The following TMTC2 variants were observed in gnomAD, a reference collection of about 807,000 sequenced individuals.
TMTC2 encodes the protein protein O-mannosyl-transferase TMTC2.
A neutral mutation model predicts 82.4 loss-of-function variants in TMTC2; 43 were observed. The ratio of observed to expected loss-of-function variants is 0.52; its 90% CI spans 0.41 to 0.67. TMTC2 has a LOEUF of 0.67. TMTC2 is among the 30% of genes least tolerant of loss of function. TMTC2 has a pLI of 0.00. For missense variants in TMTC2, 919 were observed against 1,012.4 expected (o/e 0.91, Z 1.25); for synonymous variants, 408 against 381.9 (o/e 1.07, Z -0.80).
chr12:83,110,999 C>T (rs966636097), intron 11 of TMTC2, among the ~76,000 whole-genome samples: 2 of 152,238 alleles, frequency 1.3e-5, no homozygotes, highest in Admixed American at 1.3e-4. Flanking sequence ...CTTCCCTTCC[C>T]ATGGTCTTTC....
At chr12:83,102,743 T>C (rs951888220) in intron 11 of TMTC2, among the ~76,000 whole-genome samples, 3 of 152,192 alleles carry the variant, frequency 2.0e-5, no homozygotes, top group Non-Finnish European at 2.9e-5. Context: ...CTCTCTTCTC[T>C]TGAGTTTGAA....
At chr12:83,097,162 C>T (rs1001952307) in intron 11 of TMTC2, among the ~76,000 whole-genome samples, 1 of 152,132 alleles carries the variant, frequency 6.6e-6, no homozygotes, top group Non-Finnish European at 1.5e-5. Context: ...AGTGGCAGAA[C>T]TAGGGTCTCA....
chr12:82,994,516 C>G (rs1198616888), intron 8 of TMTC2, among the ~76,000 whole-genome samples: 3 of 151,928 alleles, frequency 2.0e-5, no homozygotes, highest in African/African-American at 7.3e-5. Flanking sequence ...ATATAAATAG[C>G]CAGCTGGTTC....
chr12:82,729,764 C>G (rs1428358450), intron 1 of TMTC2, among the ~76,000 whole-genome samples: 3 of 152,198 alleles, frequency 2.0e-5, no homozygotes, highest in Non-Finnish European at 4.4e-5. Flanking sequence ...GGGCCGTTTT[C>G]CGTGCTGTGG....
chr12:82,952,921 G>T (rs764954430), intron 4 of TMTC2, among the ~76,000 whole-genome samples: 5 of 152,172 alleles, frequency 3.3e-5, no homozygotes, highest in Non-Finnish European at 7.3e-5. Flanking sequence ...CATTTTGTCA[G>T]TTGGGAAGAG....
chr12:82,829,929 G>C (rs1394925890), intron 1 of TMTC2, among the ~76,000 whole-genome samples: 1 of 152,162 alleles, frequency 6.6e-6, no homozygotes, highest in Non-Finnish European at 1.5e-5. Context: ...TAAAAGTCCT[G>C]TGTGGCTGGA....
At chr12:82,996,685 T>G (rs1412537427) in intron 8 of TMTC2, among the ~76,000 whole-genome samples, 2 of 152,216 alleles carry the variant, frequency 1.3e-5, no homozygotes, top group African/African-American at 4.8e-5. Flanking sequence ...GACTGTTGTA[T>G]AAAGCCATAT....
chr12:82,693,801 C>T (rs1872677779), intron 1 of TMTC2, among the ~76,000 whole-genome samples: 1 of 151,902 alleles, frequency 6.6e-6, no homozygotes, highest in Non-Finnish European at 1.5e-5. Flanking sequence ...AACCTCGTCT[C>T]TACTAAAAAT....
chr12:83,083,975 A>T (rs1353971751), intron 11 of TMTC2, among the ~76,000 whole-genome samples: 1 of 152,222 alleles, frequency 6.6e-6, no homozygotes, highest in Admixed American at 6.5e-5. Flanking sequence ...TGCTGAATGG[A>T]GAACCTAGAA....
chr12:82,866,244 C>CAAAAAA (rs762068833), intron 2 of TMTC2, among the ~76,000 whole-genome samples: 10 of 52,334 alleles, frequency 1.9e-4, no homozygotes, highest in Middle Eastern at 0.015. Context: ...TTGAAAAGAT[C>CAAAAAA]AAAAAAAAAA....
chr12:83,052,540 C>T (rs569413627), intron 10 of TMTC2, among the ~76,000 whole-genome samples: 1 of 152,182 alleles, frequency 6.6e-6, no homozygotes, highest in South Asian at 2.1e-4. Context: ...TTTTGTTCCT[C>T]ATGAATAAAA....
chr12:83,000,242 C>T (rs995120796), intron 8 of TMTC2, among the ~76,000 whole-genome samples: 1 of 152,138 alleles, frequency 6.6e-6, no homozygotes, highest in Non-Finnish European at 1.5e-5. Flanking sequence ...TCAAGCAATT[C>T]TCCTGCCTCA....
chr12:83,031,299 C>G (rs1187563303), intron 9 of TMTC2, among the ~76,000 whole-genome samples: 2 of 152,118 alleles, frequency 1.3e-5, no homozygotes, highest in Non-Finnish European at 2.9e-5. Context: ...AAAAGTCTTG[C>G]TTTCTGGAAG....
intron 9 of TMTC2, among the ~76,000 whole-genome samples, chr12:83,034,129 A>ACACT (rs1290392450): frequency 6.6e-6 from 1 of 152,096 alleles, no homozygotes; most frequent in Non-Finnish European, 1.5e-5. Flanking sequence ...AGGTGCAACC[A>ACACT]CACTGTTCTG....
chr12:82,723,703 G>C (rs115486371), intron 1 of TMTC2, among the ~76,000 whole-genome samples: 3,105 of 152,178 alleles, frequency 0.02, 112 homozygotes, highest in African/African-American at 0.071. Flanking sequence ...TCAGATTTTG[G>C]AGCATATTGG....
intron 8 of TMTC2, among the ~76,000 whole-genome samples, chr12:83,020,613 C>A (rs1165323251): frequency 3.3e-5 from 5 of 152,084 alleles, no homozygotes; most frequent in Non-Finnish European, 5.9e-5. Context: ...GGATGGATAA[C>A]CCTTATGATA....
chr12:82,951,701 C>CATTTTT (rs1877355367), intron 4 of TMTC2, among the ~76,000 whole-genome samples: 1 of 152,122 alleles, frequency 6.6e-6, no homozygotes, highest in Non-Finnish European at 1.5e-5. Context: ...CATAGAATAA[C>CATTTTT]GTAGCAGTAT....
intron 2 of TMTC2, among the ~76,000 whole-genome samples, chr12:82,877,114 T>C (rs1235494217): frequency 6.6e-6 from 1 of 152,204 alleles, no homozygotes; most frequent in Non-Finnish European, 1.5e-5. Flanking sequence ...GTGAATACTG[T>C]AATACTGTTG....
At chr12:82,825,578 C>T (rs1869370317) in intron 1 of TMTC2, among the ~76,000 whole-genome samples, 1 of 152,052 alleles carries the variant, frequency 6.6e-6, no homozygotes, top group African/African-American at 2.4e-5. Flanking sequence ...CTCTTGTAGG[C>T]AGTACGTCTA....
Sources: gnomAD v4.1 joint callset for allele counts (sites outside exome capture counted in the v4.1 genomes callset) on GRCh38, gnomAD v4.1.1 for gene constraint, MANE v1.5 for transcripts, NCBI Gene and HGNC (gene_info 2026-07-23, HGNC 2026-07-21) for gene names.